Variants in ACOT1 observed in about 807,000 individuals in gnomAD.
The protein encoded by ACOT1 is acyl-coenzyme A thioesterase 1.
Under a neutral mutation model 15.7 loss-of-function variants are expected in ACOT1, and 8 were observed. The ratio of observed to expected loss-of-function variants is 0.51; its 90% CI spans 0.30 to 0.92. The LOEUF is 0.92. ACOT1 is among the 40% of genes least tolerant of loss of function. ACOT1 has a pLI of 0.06. For synonymous variants in ACOT1, 67 were observed against 241.2 expected, an observed-to-expected ratio of 0.28 and a Z score of 6.69; for missense variants, 151 against 539.4, an observed-to-expected ratio of 0.28 and a Z score of 7.13.
chr14:73,502,041 G>A, the ACOT1 span, among the ~76,000 whole-genome samples: 120 of 150,926 alleles, frequency 8.0e-4, 1 homozygote, highest in Middle Eastern at 3.4e-3. Context: ...CACTGCGCCC[G>A]GCCAATTTTT....
the ACOT1 span, chr14:73,522,920 A>G: frequency 6.2e-7 from 1 of 1,614,194 alleles, no homozygotes; most frequent in Non-Finnish European, 8.5e-7. Context: ...TCGCTGCCAC[A>G]CCACCTCCTG....
the ACOT1 span, chr14:73,514,348 AC>A: frequency 4.1e-5 from 35 of 862,222 alleles, no homozygotes; most frequent in Non-Finnish European, 6.3e-5. Context: ...GCAAAACAAA[AC>A]CCTCAAGAGT....
the ACOT1 span, among the ~76,000 whole-genome samples, chr14:73,499,594 C>T: frequency 6.6e-6 from 1 of 152,274 alleles, no homozygotes; most frequent in East Asian, 1.9e-4. Flanking sequence ...GACAAATGAG[C>T]TGGAGCCTAA....
chr14:73,501,994 C>T, the ACOT1 span, among the ~76,000 whole-genome samples: 3 of 151,928 alleles, frequency 2.0e-5, no homozygotes, highest in South Asian at 4.2e-4. Flanking sequence ...ATCCACCCGC[C>T]TCGGCCTCCC....
chr14:73,497,184 C>T, the ACOT1 span, among the ~76,000 whole-genome samples: 7 of 152,242 alleles, frequency 4.6e-5, no homozygotes, highest in South Asian at 1.0e-3. Context: ...GTGTGAGCCA[C>T]TGCACCCGGC....
chr14:73,491,072 C>G, the ACOT1 span: 5 of 1,594,832 alleles, frequency 3.1e-6, no homozygotes, highest in Non-Finnish European at 3.4e-6. Flanking sequence ...GCCGAAGCGC[C>G]GGCGCAAGCC....
chr14:73,520,788 CA>C, the ACOT1 span: 1 of 1,450,878 alleles, frequency 6.9e-7, no homozygotes, highest in Non-Finnish European at 9.5e-7. Flanking sequence ...CAGCCCCCAG[CA>C]ATCTTCCACC....
chr14:73,529,988 G>C, the ACOT1 span, among the ~76,000 whole-genome samples: 2 of 141,124 alleles, frequency 1.4e-5, no homozygotes, highest in African/African-American at 5.1e-5. Context: ...GTTTGAGACA[G>C]GGCCTCACTC....
chr14:73,538,675 C>A (rs1351541388), intron 1 of ACOT1, among the ~76,000 whole-genome samples: 1 of 100,542 alleles, frequency 9.9e-6, no homozygotes, highest in Non-Finnish European at 2.1e-5. Context: ...TAAAAACAAA[C>A]AAAACAAAAC....
the ACOT1 span, among the ~76,000 whole-genome samples, chr14:73,519,731 G>A: frequency 2.0e-5 from 3 of 151,662 alleles, no homozygotes; most frequent in Non-Finnish European, 2.9e-5. Context: ...AATAAGAAAA[G>A]AACCGGCTGG....
chr14:73,498,991 A>C, the ACOT1 span: 2 of 1,181,880 alleles, frequency 1.7e-6, no homozygotes, highest in East Asian at 4.7e-5. Context: ...ACCCCATTAG[A>C]GAGTTTCAGG....
chr14:73,514,924 C>T, the ACOT1 span, among the ~76,000 whole-genome samples: 4 of 151,900 alleles, frequency 2.6e-5, no homozygotes, highest in African/African-American at 9.7e-5. Flanking sequence ...AAAAATTGGC[C>T]GGGCATGGTG....
chr14:73,498,087 T>G, the ACOT1 span: 7 of 1,447,432 alleles, frequency 4.8e-6, no homozygotes, highest in African/African-American at 8.4e-5. Flanking sequence ...CAGGGACATA[T>G]TCAATGAGCA....
At chr14:73,520,258 GAAGGTGGC>G in the ACOT1 span, 5 of 152,286 alleles carry the variant, frequency 3.3e-5, no homozygotes, top group African/African-American at 1.2e-4. Context: ...TAGGGACAGG[GAAGGTGGC>G]AAACATTTAC....
the ACOT1 span, chr14:73,499,162 TGAGTG>T: frequency 6.2e-7 from 1 of 1,607,122 alleles, no homozygotes; most frequent in Non-Finnish European, 8.5e-7. Context: ...AAGGCAGTGT[TGAGTG>T]GGGAGGACCA....
the ACOT1 span, among the ~76,000 whole-genome samples, chr14:73,506,164 C>T: frequency 6.6e-6 from 1 of 152,156 alleles, no homozygotes. Flanking sequence ...GCTGGGATTA[C>T]AGATGTGAGC....
At chr14:73,491,557 C>G in the ACOT1 span, 6 of 1,539,054 alleles carry the variant, frequency 3.9e-6, no homozygotes, top group Non-Finnish European at 5.2e-6. Flanking sequence ...GGGAGCCGGC[C>G]TGGGACTCCC....
chr14:73,533,334 A>T (rs1424247307), upstream of ACOT1, among the ~76,000 whole-genome samples: 2 of 115,560 alleles, frequency 1.7e-5, 1 homozygote, highest in Non-Finnish European at 3.8e-5. Flanking sequence ...GAATGAATGG[A>T]TAAACAAAAT....
the ACOT1 span, chr14:73,502,841 C>G: frequency 7.0e-7 from 1 of 1,432,518 alleles, no homozygotes; most frequent in Admixed American, 1.7e-5. Flanking sequence ...AGCCTGCCTC[C>G]TAAACACTTC....
Sources: allele counts gnomAD v4.1 joint callset (sites outside exome capture counted in the v4.1 genomes callset), GRCh38; gene constraint gnomAD v4.1.1; transcripts MANE v1.5; gene names NCBI Gene and HGNC (gene_info 2026-07-23, HGNC 2026-07-21).